DCC: variants seen among roughly 807,000 people sequenced by gnomAD.
DCC encodes netrin receptor DCC.
Under a neutral mutation model 172.5 loss-of-function variants are expected in DCC, and 58 were observed. The ratio of observed to expected loss-of-function variants is 0.34; its 90% CI spans 0.27 to 0.42. The LOEUF is 0.42. DCC is among the 10% of genes least tolerant of loss of function. The pLI is 1.00. For synonymous variants in DCC, 709 were observed against 644.5 expected, an observed-to-expected ratio of 1.10 and a Z score of -1.52; for missense variants, 1,740 against 1,791.0, an observed-to-expected ratio of 0.97 and a Z score of 0.51.
chr18:53,306,449 A>G (rs1195898837), intron 13 of DCC, among the ~76,000 whole-genome samples: 1 of 152,204 alleles, frequency 6.6e-6, no homozygotes, highest in Non-Finnish European at 1.5e-5. Flanking sequence ...AAGAGAAAAC[A>G]GATAATGGTG....
intron 15 of DCC, among the ~76,000 whole-genome samples, chr18:53,372,250 A>G (rs1250734022): frequency 6.6e-6 from 1 of 152,178 alleles, no homozygotes; most frequent in Non-Finnish European, 1.5e-5. Context: ...GATAAAGAAA[A>G]TGTGGTACAT....
Position 52,895,845 on chromosome 18 carries a change from C to T in DCC, c.413-10199C>T, listed in dbSNP as rs139477017. Among the ~76,000 whole-genome samples the T allele has an allele frequency of 2.4e-3, 360 of 152,144 alleles. 1 individual carries two copies. The highest frequency in any genetic ancestry group is 7.4e-3 in the African/African-American group (308 of 41,502). ...TGTTGCCCAGGCTGGAGTGCAGTGG[C>T]GCAATCTTGGCTTATGGCAATCTCG... On this transcript the variant is annotated intron_variant, in intron 2 of 28. Coordinates refer to ENST00000442544, the MANE Select transcript of DCC (RefSeq NM_005215.4).
chr18:52,725,769 G>T (rs928626030), intron 1 of DCC, among the ~76,000 whole-genome samples: 5 of 152,148 alleles, frequency 3.3e-5, no homozygotes, highest in Admixed American at 6.5e-5. Flanking sequence ...ACTGGATAAG[G>T]CAATTGAGAT....
chr18:53,271,976 T>C (rs1235437081), intron 12 of DCC, among the ~76,000 whole-genome samples: 1 of 152,198 alleles, frequency 6.6e-6, no homozygotes, highest in East Asian at 1.9e-4. Context: ...AGGCCATTTG[T>C]GTGCCCTCCA....
chr18:52,552,884 A>G (rs2144726047), intron 1 of DCC, among the ~76,000 whole-genome samples: 1 of 152,240 alleles, frequency 6.6e-6, no homozygotes, highest in East Asian at 1.9e-4. Context: ...ATATGTATAC[A>G]AGAAAAATAG....
At chr18:52,991,392 A>C (rs956144210) in intron 5 of DCC, among the ~76,000 whole-genome samples, 1 of 152,198 alleles carries the variant, frequency 6.6e-6, no homozygotes, top group African/African-American at 2.4e-5. Flanking sequence ...ATTACCACAC[A>C]CTTATTGGCA....
intron 2 of DCC, among the ~76,000 whole-genome samples, chr18:52,882,038 T>G (rs994243628): frequency 3.3e-5 from 5 of 152,138 alleles, no homozygotes; most frequent in African/African-American, 1.2e-4. Context: ...TTCAAAGTAT[T>G]TAATATTATG....
intron 5 of DCC, among the ~76,000 whole-genome samples, chr18:53,026,529 T>C (rs2143941419): frequency 6.6e-6 from 1 of 152,254 alleles, no homozygotes; most frequent in Non-Finnish European, 1.5e-5. Context: ...AAATCCTCAT[T>C]ACTTGCTACC....
chr18:52,768,906 G>T (rs1365056719), intron 2 of DCC, among the ~76,000 whole-genome samples: 1 of 152,144 alleles, frequency 6.6e-6, no homozygotes, highest in Non-Finnish European at 1.5e-5. Flanking sequence ...CAACAGAAGA[G>T]AAAAATATCT....
intron 1 of DCC, among the ~76,000 whole-genome samples, chr18:52,460,961 T>G (rs1988611122): frequency 6.6e-6 from 1 of 152,152 alleles, no homozygotes; most frequent in African/African-American, 2.4e-5. Flanking sequence ...TTATAAAAAA[T>G]TATGTTTACT....
intron 5 of DCC, among the ~76,000 whole-genome samples, chr18:53,045,700 C>G (rs559955451): frequency 4.0e-5 from 6 of 151,854 alleles, no homozygotes; most frequent in African/African-American, 1.4e-4. Flanking sequence ...CACTAGATTT[C>G]GCTATTTTGT....
chr18:53,082,167 T>C (rs1356519287), intron 7 of DCC, among the ~76,000 whole-genome samples: 1 of 152,144 alleles, frequency 6.6e-6, no homozygotes, highest in African/African-American at 2.4e-5. Flanking sequence ...TATCAATTTA[T>C]GCCATGTACA....
At chr18:53,058,999 A>T (rs760329239) in intron 5 of DCC, among the ~76,000 whole-genome samples, 9 of 152,032 alleles carry the variant, frequency 5.9e-5, no homozygotes, top group Admixed American at 1.3e-4. Context: ...ATTGACTCAC[A>T]GTTCAGCATG....
At chr18:53,379,057 C>T (rs1292743991) in intron 15 of DCC, among the ~76,000 whole-genome samples, 1 of 152,222 alleles carries the variant, frequency 6.6e-6, no homozygotes, top group Non-Finnish European at 1.5e-5. Flanking sequence ...TGTCTCTCCA[C>T]CCACTACATT....
chr18:52,492,522 A>G (rs991263769), intron 1 of DCC, among the ~76,000 whole-genome samples: 1 of 151,924 alleles, frequency 6.6e-6, no homozygotes, highest in African/African-American at 2.4e-5. Context: ...TTTTGCAGGT[A>G]GGTGTGAGTT....
intron 13 of DCC, among the ~76,000 whole-genome samples, chr18:53,314,828 T>G (rs1158640704): frequency 6.6e-6 from 1 of 152,130 alleles, no homozygotes; most frequent in Non-Finnish European, 1.5e-5. Flanking sequence ...CCTGCAGATG[T>G]AATAGAAAGG....
In DCC at chr18:52,660,125, T is replaced by C. The variant is rs1303950146; in HGVS notation, c.92-91929T>C. 2.0e-5 allele frequency among the ~76,000 whole-genome samples: 3 copies of C among 152,146 alleles called. No individual in the cohort carries two copies. The East Asian group carries it at 5.8e-4, about 29-fold the overall frequency. On this transcript the variant is annotated intron_variant, in intron 1 of 28. Transcript: ENST00000442544. ...CTTCAATGTTCTTTCTACTACATCATGCCACCCCTTTATTTGGTGTGTAAA... is the reference window on the plus strand; with the variant it reads ...CTTCAATGTTCTTTCTACTACATCACGCCACCCCTTTATTTGGTGTGTAAA...
At chr18:52,427,050 A>G (rs1987451938) in intron 1 of DCC, among the ~76,000 whole-genome samples, 1 of 152,158 alleles carries the variant, frequency 6.6e-6, no homozygotes, top group African/African-American at 2.4e-5. Context: ...GTTCAAGATC[A>G]TAGAACAACT....
chr18:52,414,773 G>A (rs1182562470), intron 1 of DCC, among the ~76,000 whole-genome samples: 1 of 152,136 alleles, frequency 6.6e-6, no homozygotes, highest in African/African-American at 2.4e-5. Flanking sequence ...AATTATAGGA[G>A]CACTATAAAA....
Sources: gnomAD v4.1 joint callset for allele counts (sites outside exome capture counted in the v4.1 genomes callset) on GRCh38, gnomAD v4.1.1 for gene constraint, MANE v1.5 for transcripts, NCBI Gene and HGNC (gene_info 2026-07-23, HGNC 2026-07-21) for gene names.